The following TCF12 variants were observed in gnomAD, a reference collection of about 807,000 sequenced individuals.
TCF12 encodes the protein transcription factor 12.
TCF12 carries 45 observed loss-of-function variants against 86.0 expected under a neutral mutation model. The observed-to-expected ratio is 0.52, with a 90% CI of 0.41 to 0.67. The LOEUF is 0.67. Ranked by LOEUF, TCF12 falls within the 30% of genes least tolerant of loss-of-function variation. The pLI is 0.00. For synonymous variants in TCF12, 330 were observed against 299.6 expected (o/e 1.10, Z -1.05); for missense variants, 881 against 859.9 (o/e 1.02, Z -0.31).
intron 8 of TCF12, among the ~76,000 whole-genome samples, chr15:57,228,240 T>A (rs920071394): frequency 6.6e-6 from 1 of 152,094 alleles, no homozygotes; most frequent in Non-Finnish European, 1.5e-5. Flanking sequence ...TGCTGCTTCA[T>A]AACATTGCAT....
chr15:57,063,918 A>T (rs1270351926), intron 4 of TCF12, 95 bp downstream of exon 4: 1 of 1,009,800 alleles, frequency 9.9e-7, no homozygotes, highest in Admixed American at 2.1e-5. Flanking sequence ...ATGAAAATTA[A>T]TTTCTTTTCA....
chr15:57,025,154 A>G (rs762562005), intron 3 of TCF12, among the ~76,000 whole-genome samples: 1 of 151,842 alleles, frequency 6.6e-6, no homozygotes, highest in Admixed American at 6.6e-5. Context: ...ATCGCAGCTC[A>G]TTGCAGCCTC....
At chr15:57,262,660 CAAGT>C (rs768299565) in intron 17 of TCF12, among the ~76,000 whole-genome samples, 14 of 152,116 alleles carry the variant, frequency 9.2e-5, no homozygotes, top group Non-Finnish European at 1.9e-4. Context: ...ATAGAGCTTA[CAAGT>C]AAGTGTGAAG....
intron 8 of TCF12, among the ~76,000 whole-genome samples, chr15:57,218,033 A>C (rs1434855455): frequency 1.3e-5 from 2 of 152,118 alleles, no homozygotes; most frequent in Non-Finnish European, 2.9e-5. Context: ...TTCCAATACT[A>C]TCAGCTTTTA....
intron 8 of TCF12, among the ~76,000 whole-genome samples, chr15:57,200,315 TAA>T (rs1268954046): frequency 2.0e-5 from 3 of 152,192 alleles, no homozygotes; most frequent in African/African-American, 7.2e-5. Context: ...TAAGAACACT[TAA>T]GGTTATACTG....
intron 3 of TCF12, among the ~76,000 whole-genome samples, chr15:56,951,234 A>G (rs753678535): frequency 3.6e-4 from 54 of 152,108 alleles, no homozygotes; most frequent in Non-Finnish European, 6.6e-4. Flanking sequence ...TTTTAATTTT[A>G]GCCATTAGAA....
intron 3 of TCF12, among the ~76,000 whole-genome samples, chr15:57,062,763 C>G (rs1202856400): frequency 6.6e-6 from 1 of 152,148 alleles, no homozygotes; most frequent in South Asian, 2.1e-4. Context: ...AATTTCTAAA[C>G]TTAGCAGAAT....
chr15:56,977,545 CT>C lies in TCF12; in HGVS notation c.148+56448del, dbSNP rs1407059145. ...ACAGTTAATTTAAAAATTCGATATTCTGTGTGTGTGTGTGTGTGTATGTATG... is the reference window on the plus strand; with the variant it reads ...ACAGTTAATTTAAAAATTCGATATTCGTGTGTGTGTGTGTGTGTATGTATG... On this transcript the variant is annotated intron_variant, in intron 3 of 20. Transcript: ENST00000333725. Among the ~76,000 whole-genome samples the C allele has an allele frequency of 2.4e-3, 361 of 148,240 alleles. 2 individuals carry two copies. Among genetic ancestry groups the C allele is most frequent in the Middle Eastern group, 0.014 (4 of 290 alleles).
At chr15:57,146,546 A>G (rs575393142) in intron 5 of TCF12, among the ~76,000 whole-genome samples, 2 of 152,342 alleles carry the variant, frequency 1.3e-5, no homozygotes, top group African/African-American at 4.8e-5. Context: ...CTCTAAGGAA[A>G]TGAATACCGG....
At chr15:56,942,944 G>A (rs1350774371) in intron 3 of TCF12, among the ~76,000 whole-genome samples, 1 of 152,164 alleles carries the variant, frequency 6.6e-6, no homozygotes, top group African/African-American at 2.4e-5. Flanking sequence ...CCTGTATCAT[G>A]TGACTGAAAA....
intron 13 of TCF12, among the ~76,000 whole-genome samples, chr15:57,248,935 C>G (rs1166250794): frequency 6.6e-6 from 1 of 152,150 alleles, no homozygotes; most frequent in Non-Finnish European, 1.5e-5. Context: ...GCTGACAATT[C>G]TGAGGCATTT....
At chr15:57,030,272 G>T (rs111761617) in intron 3 of TCF12, among the ~76,000 whole-genome samples, 45 of 152,010 alleles carry the variant, frequency 3.0e-4, no homozygotes, top group African/African-American at 1.1e-3. Context: ...ATGGTCTTGC[G>T]CTGTCACTGA....
chr15:56,992,952 C>T (rs1437014766), intron 3 of TCF12, among the ~76,000 whole-genome samples: 5 of 152,136 alleles, frequency 3.3e-5, no homozygotes, highest in Non-Finnish European at 4.4e-5. Flanking sequence ...ACATGCACCC[C>T]GTCTTTCTCA....
intron 13 of TCF12, chr15:57,247,064 T>C (rs2059897999): frequency 1.8e-6 from 1 of 560,826 alleles, no homozygotes; most frequent in South Asian, 1.4e-5. Flanking sequence ...TTGATTGCTG[T>C]TGTTCACTAT....
chr15:57,010,503 G>A (rs1163576563), intron 3 of TCF12, among the ~76,000 whole-genome samples: 1 of 152,146 alleles, frequency 6.6e-6, no homozygotes, highest in Non-Finnish European at 1.5e-5. Flanking sequence ...AAAGGGAAAA[G>A]GAAAGACACA....
At chr15:57,206,929 G>GA (rs35816408) in intron 8 of TCF12, among the ~76,000 whole-genome samples, 86,298 of 125,630 alleles carry the variant, frequency 0.69, 28,961 homozygotes, top group East Asian at 0.8. Flanking sequence ...TGTCTCTACA[G>GA]AAAAAAAAAA....
chr15:57,185,437 A>G (rs2151670430), intron 6 of TCF12, among the ~76,000 whole-genome samples: 1 of 152,346 alleles, frequency 6.6e-6, no homozygotes, highest in Middle Eastern at 3.4e-3. Flanking sequence ...AGCAAGCACC[A>G]AATCAGTAAC....
chr15:57,280,858 TTTATA>T (rs751272611), intron 19 of TCF12, among the ~76,000 whole-genome samples: 7 of 152,226 alleles, frequency 4.6e-5, no homozygotes, highest in South Asian at 2.1e-4. Flanking sequence ...AAATGATCCC[TTTATA>T]TTATATTCAT....
At chr15:57,153,993 T>C (rs539453816) in intron 5 of TCF12, among the ~76,000 whole-genome samples, 1 of 149,420 alleles carries the variant, frequency 6.7e-6, no homozygotes, top group African/African-American at 2.5e-5. Context: ...AGACCCTGTG[T>C]CTTTAAAAAA....
Sources: allele counts gnomAD v4.1 joint callset (sites outside exome capture counted in the v4.1 genomes callset), GRCh38; gene constraint gnomAD v4.1.1; transcripts MANE v1.5; gene names NCBI Gene and HGNC (gene_info 2026-07-23, HGNC 2026-07-21).